The following LRRC4C variants were observed in gnomAD, a reference collection of about 807,000 sequenced individuals.
LRRC4C encodes leucine rich repeat containing 4C, also known as leucine-rich repeat-containing protein 4C.
A neutral mutation model predicts 33.6 loss-of-function variants in LRRC4C; 5 were observed. The ratio of observed to expected loss-of-function variants is 0.15; its 90% CI spans 0.08 to 0.31. The LOEUF (loss-of-function observed/expected upper bound fraction) is 0.31, where lower values mean the gene tolerates loss of function less well. Ranked by LOEUF, LRRC4C falls within the 10% of genes least tolerant of loss-of-function variation. The probability of loss-of-function intolerance (pLI) is 1.00; values close to 1 mark genes in which losing one functional copy is unlikely to be tolerated. For synonymous variants in LRRC4C, 329 were observed against 302.0 expected (o/e 1.09, Z -0.93); for missense variants, 560 against 796.7 (o/e 0.70, Z 3.58).
chr11:40,521,508 T>C (rs1955810505), intron 3 of LRRC4C, among the ~76,000 whole-genome samples: 1 of 152,204 alleles, frequency 6.6e-6, no homozygotes, highest in Non-Finnish European at 1.5e-5. Context: ...GAATTCATAT[T>C]ACGTGACAAA....
chr11:40,260,949 T>C (rs1379983906), intron 4 of LRRC4C, among the ~76,000 whole-genome samples: 3 of 152,138 alleles, frequency 2.0e-5, no homozygotes, highest in African/African-American at 7.2e-5. Flanking sequence ...GTTGCAATCA[T>C]AGCTCACTGT....
chr11:40,713,211 T>A (rs1041849942), intron 2 of LRRC4C, among the ~76,000 whole-genome samples: 1 of 152,112 alleles, frequency 6.6e-6, no homozygotes, highest in Non-Finnish European at 1.5e-5. Flanking sequence ...CTTTTAAAGT[T>A]CTGATCTAAT....
intron 3 of LRRC4C, among the ~76,000 whole-genome samples, chr11:40,544,002 C>T (rs751588955): frequency 1.3e-4 from 20 of 151,946 alleles, no homozygotes; most frequent in East Asian, 5.8e-4. Flanking sequence ...TATATATAGA[C>T]GGTTGATAGA....
rs1952261222 is a variant in LRRC4C at position 41,359,178 on chromosome 11, C to G, written c.-496+100253G>C. ...AACAATTAAAAAAATAAATTGTTGCCAGGAATTAGAGAGAGGAAGGGATGT... is the reference window on the plus strand; with the variant it reads ...AACAATTAAAAAAATAAATTGTTGCGAGGAATTAGAGAGAGGAAGGGATGT... On this transcript the variant is annotated intron_variant, in intron 1 of 6. Coordinates refer to ENST00000528697, the MANE Select transcript of LRRC4C (RefSeq NM_001258419.2). 2.6e-5 allele frequency among the ~76,000 whole-genome samples: 4 copies of G among 151,122 alleles called. No individual in the cohort carries two copies. The South Asian group carries it at 8.4e-4, about 32-fold the overall frequency.
At chr11:40,194,577 A>T (rs1014030397) in intron 5 of LRRC4C, among the ~76,000 whole-genome samples, 1 of 150,688 alleles carries the variant, frequency 6.6e-6, no homozygotes, top group Non-Finnish European at 1.5e-5. Context: ...CAATGAGAAC[A>T]TATGGGCACA....
intron 1 of LRRC4C, among the ~76,000 whole-genome samples, chr11:41,083,852 T>C (rs1338121687): frequency 2.6e-5 from 4 of 152,144 alleles, no homozygotes; most frequent in African/African-American, 4.8e-5. Context: ...GAAACACAAT[T>C]GAGAGAAATA....
At chr11:40,436,558 C>T (rs1036091930) in intron 3 of LRRC4C, among the ~76,000 whole-genome samples, 15 of 152,160 alleles carry the variant, frequency 9.9e-5, no homozygotes, top group African/African-American at 3.4e-4. Flanking sequence ...TCCTGTCCTG[C>T]TTGAAGAGCC....
intron 5 of LRRC4C, among the ~76,000 whole-genome samples, chr11:40,152,643 C>T (rs1305758341): frequency 2.6e-5 from 4 of 152,222 alleles, no homozygotes; most frequent in Non-Finnish European, 5.9e-5. Flanking sequence ...TGTGTGGGAG[C>T]TGGGTGAGGC....
At chr11:41,126,352 A>G (rs1942741539) in intron 1 of LRRC4C, among the ~76,000 whole-genome samples, 1 of 151,788 alleles carries the variant, frequency 6.6e-6, no homozygotes, top group Non-Finnish European at 1.5e-5. Context: ...ACCTAGTAAA[A>G]CCTTTTTGTA....
At chr11:40,460,994 A>G (rs1952368898) in intron 3 of LRRC4C, among the ~76,000 whole-genome samples, 1 of 152,188 alleles carries the variant, frequency 6.6e-6, no homozygotes, top group Non-Finnish European at 1.5e-5. Context: ...TCTCAGCCAA[A>G]TATACCTATG....
intron 1 of LRRC4C, among the ~76,000 whole-genome samples, chr11:41,351,886 T>A (rs1170062698): frequency 6.6e-6 from 1 of 152,126 alleles, no homozygotes; most frequent in Non-Finnish European, 1.5e-5. Context: ...ATGCTAAACA[T>A]GGAAATGAAA....
intron 1 of LRRC4C, among the ~76,000 whole-genome samples, chr11:41,208,424 C>CA (rs1946686398): frequency 6.6e-6 from 1 of 151,990 alleles, no homozygotes; most frequent in Non-Finnish European, 1.5e-5. Flanking sequence ...TGCATGTTGC[C>CA]AAAAAATGAG....
At chr11:40,350,771 C>T (rs1361533563) in intron 3 of LRRC4C, among the ~76,000 whole-genome samples, 1 of 151,912 alleles carries the variant, frequency 6.6e-6, no homozygotes, top group African/African-American at 2.4e-5. Flanking sequence ...CAAGTTCGTG[C>T]ATTAATGTTT....
At chr11:40,408,879 G>A (rs1950056729) in intron 3 of LRRC4C, among the ~76,000 whole-genome samples, 1 of 151,884 alleles carries the variant, frequency 6.6e-6, no homozygotes, top group Non-Finnish European at 1.5e-5. Context: ...AAATTCCAAT[G>A]ACATTTTTCA....
intron 2 of LRRC4C, among the ~76,000 whole-genome samples, chr11:40,749,019 G>T (rs368354205): frequency 6.6e-6 from 1 of 151,976 alleles, no homozygotes; most frequent in Non-Finnish European, 1.5e-5. Flanking sequence ...GAGAGAGAGC[G>T]ACTGCAATGG....
intron 1 of LRRC4C, among the ~76,000 whole-genome samples, chr11:41,442,475 T>C (rs1317685495): frequency 2.3e-5 from 3 of 132,742 alleles, no homozygotes; most frequent in African/African-American, 8.5e-5. Flanking sequence ...TTTTTTTTTT[T>C]TTTTTTTTTT....
chr11:41,405,227 G>T (rs1459034144), intron 1 of LRRC4C, among the ~76,000 whole-genome samples: 1 of 152,022 alleles, frequency 6.6e-6, no homozygotes, highest in Non-Finnish European at 1.5e-5. Context: ...CACTGCTCTT[G>T]TAAGTCTTGA....
chr11:40,969,597 A>G (rs1328204784), intron 1 of LRRC4C, among the ~76,000 whole-genome samples: 2 of 152,180 alleles, frequency 1.3e-5, no homozygotes, highest in Non-Finnish European at 2.9e-5. Context: ...GCAACTATCA[A>G]TATCAATGCA....
intron 2 of LRRC4C, among the ~76,000 whole-genome samples, chr11:40,718,980 A>G (rs1946869803): frequency 6.6e-6 from 1 of 152,198 alleles, no homozygotes. Flanking sequence ...CCTCCTTCTC[A>G]TATAAAACCT....
Sources: allele counts gnomAD v4.1 joint callset (sites outside exome capture counted in the v4.1 genomes callset), GRCh38; gene constraint gnomAD v4.1.1; transcripts MANE v1.5; gene names NCBI Gene and HGNC (gene_info 2026-07-23, HGNC 2026-07-21).